TSC2: variants seen among roughly 807,000 people sequenced by gnomAD.
TSC2 encodes the protein tuberin.
In TSC2, 29 loss-of-function variants were observed where a neutral mutation model predicts 202.2. The observed-to-expected ratio is 0.14, with a 90% CI of 0.11 to 0.20. The LOEUF is 0.20. Ranked by LOEUF, TSC2 falls within the 10% of genes least tolerant of loss-of-function variation. TSC2 has a pLI of 1.00. For synonymous variants in TSC2, 1,349 were observed against 1,044.0 expected, an observed-to-expected ratio of 1.29 and a Z score of -5.63; for missense variants, 2,429 against 2,420.0, an observed-to-expected ratio of 1.00 and a Z score of -0.08.
chr16:2,055,957 T>C, intron 6 of TSC2: 1 of 588,708 alleles, frequency 1.7e-6, no homozygotes, highest in Non-Finnish European at 3.1e-6. Flanking sequence ...GATGTCTTGG[T>C]TATCTTTTTG....
intron 13 of TSC2, 36 bp downstream of exon 13, chr16:2,062,636 A>G: frequency 6.4e-7 from 1 of 1,564,214 alleles, no homozygotes; most frequent in Non-Finnish European, 8.7e-7. Context: ...TGGCACCTGG[A>G]GCCTGGCCCT....
At chr16:2,076,313 C>A in intron 24 of TSC2, 143 bp downstream of exon 24, 1 of 1,559,826 alleles carries the variant, frequency 6.4e-7, no homozygotes, top group Non-Finnish European at 8.7e-7. Context: ...GCTGGGGGCT[C>A]TGCTGGGCAG....
In TSC2 at chr16:2,088,969, T is replaced by TA; in HGVS notation, c.*359_*360insA. The stretch of plus-strand genomic sequence containing the variant: ...TTCCTCTAACCACCCTGGGGTCCTC[T>TA]GACATGCCTAGTCCTGCTACTTGCC... On this transcript the variant is annotated 3_prime_UTR_variant, in exon 42 of 42. Transcript: ENST00000219476. The TA allele has an allele frequency of 3.1e-6, 1 of 317,526 alleles. No homozygotes were observed. The highest frequency in any genetic ancestry group is 4.7e-5 in the Admixed American group (1 of 21,266). 19.7% of individuals were successfully genotyped at this position (317,526 alleles called of 1,614,324 possible).
rs763726222 is a variant in TSC2 at position 2,056,238 on chromosome 16, C to T, written c.642C>T (p.Asp214=). The change falls in exon 7 of 42, where the codon GAC becomes GAT. Residue 214 remains aspartate, a synonymous_variant. Transcript: ENST00000219476. ...GCGTCCGGACCGCGTCCTCTGTGGA[C>T]ATAGAGGTCAGTGCCTCCCCTCCCC... ...LLCVRTASSV[D]IEVSLQVLDA... 2 of 1,614,028 alleles carry T rather than the reference C, an allele frequency of 1.2e-6. No individual in the cohort carries two copies. Among genetic ancestry groups the T allele is most frequent in the South Asian group, 2.2e-5 (2 of 91,082 alleles).
At chr16:2,051,869 C>A (rs547017509) in intron 3 of TSC2, among the ~76,000 whole-genome samples, 3 of 152,138 alleles carry the variant, frequency 2.0e-5, no homozygotes, top group African/African-American at 7.2e-5. Flanking sequence ...GTTCGAGACC[C>A]GCCTGGCCAA....
chr16:2,084,099 GCCTGGTGCTCGGGCTGGTCTGTGGC>G, intron 33 of TSC2, 104 bp from the exon 34 acceptor site: 6 of 1,505,014 alleles, frequency 4.0e-6, no homozygotes, highest in Non-Finnish European at 5.4e-6. Context: ...GGGGGCCGTA[GCCTGGTGCTCGGGCTGGTCTGTGGC>G]CCTGGGATGG....
intron 8 of TSC2, 121 bp downstream of exon 8, chr16:2,056,890 G>T: frequency 2.6e-6 from 4 of 1,513,790 alleles, no homozygotes; most frequent in Non-Finnish European, 3.6e-6. Flanking sequence ...CCTGTTGAGG[G>T]ACGGCCAGTG....
At position 2,088,887 on chromosome 16, in the gene TSC2, A is replaced by G. The variant is rs895213866; in HGVS notation, c.*277A>G. On this transcript the variant is annotated 3_prime_UTR_variant, in exon 42 of 42. Transcript: ENST00000219476. Reference sequence around the variant, plus strand: ...CACTCGCGCGTGCGCGCGCGCACACACACACACACACAGTCACCTTCCTCC... The same window carrying G: ...CACTCGCGCGTGCGCGCGCGCACACGCACACACACACAGTCACCTTCCTCC... 1.6e-3 allele frequency: 611 copies of G among 387,134 alleles called. 1 individual carries two copies. Among genetic ancestry groups the G allele is most frequent in the Non-Finnish European group, 2.3e-3 (458 of 200,138 alleles). The allele number at this position is 387,134 out of a possible 1,614,324, so 24.0% of individuals were successfully genotyped here.
At position 2,083,766 on chromosome 16, in the gene TSC2, G is replaced by A. The variant is rs375883030; in HGVS notation, c.3955G>A (p.Asp1319Asn). The A allele has an allele frequency of 1.8e-5, 29 of 1,610,742 alleles. No individual in the cohort carries two copies. The highest frequency in any genetic ancestry group is 8.4e-5 in the Admixed American group (5 of 59,678). ...GCTGGTGGAGCCCCCAGGGTTGGAG[G>A]ACGTTGAGGCAGCGCTAGGCATGGA... Reference protein sequence around the residue: ...PVLVEPPGLEDVEAALGMDRR... With the variant: ...PVLVEPPGLENVEAALGMDRR... Residue 1319 changes from aspartate (D) to asparagine (N), a missense_variant, in exon 33 of 42, where the codon GAC becomes AAC. Asp to Asn is a conservative substitution (Grantham distance 23). Transcript: ENST00000219476.
chr16:2,064,522 C>T lies in TSC2; in HGVS notation c.1599+95C>T, dbSNP rs554428299. ...CCCTCTGTCCTCCTCTTCGAGTGAC[C>T]GGATGGCTGTGTCCGTAGGTGAGGC... On this transcript the variant is annotated intron_variant, in intron 15 of 41. Coordinates refer to ENST00000219476, the MANE Select transcript of TSC2 (RefSeq NM_000548.5). 51 of 1,582,010 alleles carry T rather than the reference C, an allele frequency of 3.2e-5. 1 individual carries two copies. The highest frequency in any genetic ancestry group is 1.2e-4 in the South Asian group (11 of 88,848).
rs1596288175 is a variant in TSC2, at chr16:2,058,737, A to G, written c.849-10A>G. 6.3e-7 allele frequency: 1 copy of G among 1,575,338 alleles called. No homozygotes were observed. Among genetic ancestry groups the G allele is most frequent in the Non-Finnish European group, 8.6e-7 (1 of 1,160,404 alleles). ...TGCTCACATTCCGTCTCTCTGGGGAACACTTTTAGAGCCTACATGGAGGAC... is the reference window on the plus strand; with the variant it reads ...TGCTCACATTCCGTCTCTCTGGGGAGCACTTTTAGAGCCTACATGGAGGAC... On this transcript the variant is annotated splice_polypyrimidine_tract_variant and intron_variant, in intron 9 of 41. Coordinates refer to ENST00000219476, the MANE Select transcript of TSC2 (RefSeq NM_000548.5).
chr16:2,084,273 G>A lies in TSC2; in HGVS notation c.4051G>A (p.Glu1351Lys), dbSNP rs878854101. 5 of 1,610,516 alleles carry A rather than the reference G, an allele frequency of 3.1e-6. No individual in the cohort carries two copies. Among genetic ancestry groups the A allele is most frequent in the Non-Finnish European group, 4.2e-6 (5 of 1,178,956 alleles). The change falls in exon 34 of 42, where the codon GAG becomes AAG. Residue 1351 changes from glutamate to lysine, a missense_variant. Transcript: ENST00000219476. ...GGAGGAGAAGTCGCTCCACGCGGAG[G>A]AGCTGGTTGGCAGGGGCATCCCCAT... ...SQEEKSLHAEELVGRGIPIER... is the reference protein window; with the variant it reads ...SQEEKSLHAEKLVGRGIPIER...
intron 19 of TSC2, 81 bp downstream of exon 19, chr16:2,072,015 C>T: frequency 6.7e-7 from 1 of 1,499,266 alleles, no homozygotes; most frequent in Non-Finnish European, 8.9e-7. Context: ...CTGGGCCTCC[C>T]TCCCTGTCTG....
At chr16:2,067,665 G>A (rs2087585549) in intron 16 of TSC2, among the ~76,000 whole-genome samples, 1 of 152,202 alleles carries the variant, frequency 6.6e-6, no homozygotes, top group Non-Finnish European at 1.5e-5. Context: ...AGCTACTCGG[G>A]AGGCTGAGGC....
chr16:2,088,066 A>G lies in TSC2; in HGVS notation c.5087A>G (p.Asp1696Gly), dbSNP rs2151620398. The G allele has an allele frequency of 1.2e-6, 2 of 1,612,858 alleles. No individual in the cohort carries two copies. ...TCCCCAGACATGGAGGGCCTTGTGG[A>G]CACCAGCGTGGCCAAGATCGTGTCT... ...QCRKDMEGLV[D>G]TSVAKIVSDR... The change falls in exon 40 of 42, where the codon GAC (aspartate) becomes GGC (glycine). Residue 1696 changes from aspartate to glycine, a missense_variant. By Grantham distance (94) the Asp-to-Gly change is moderately conservative. Coordinates refer to ENST00000219476, the MANE Select transcript of TSC2 (RefSeq NM_000548.5).
At chr16:2,055,955 G>C (rs181789565) in intron 6 of TSC2, 1 of 613,632 alleles carries the variant, frequency 1.6e-6, no homozygotes, top group East Asian at 2.8e-5. Context: ...CTGATGTCTT[G>C]GTTATCTTTT....
chr16:2,048,719 A>G lies in TSC2; in HGVS notation c.104A>G (p.Gln35Arg). The stretch of plus-strand genomic sequence containing the variant: ...AATCCCAGGTCTGCAGAGGGTAAAC[A>G]GACGGAGTTTATCATCACCGCGGAA... ...RPNPRSAEGK[Q>R]TEFIITAEIL... is the part of the protein sequence containing the mutation. The change falls in exon 2 of 42, where the codon CAG becomes CGG. Residue 35 changes from glutamine (Q) to arginine (R), a missense_variant. By Grantham distance (43) the Gln-to-Arg change is conservative (BLOSUM62 1). Coordinates refer to ENST00000219476, the MANE Select transcript of TSC2 (RefSeq NM_000548.5). 6.2e-7 allele frequency: 1 copy of G among 1,614,112 alleles called. No homozygotes were observed. Among genetic ancestry groups the G allele is most frequent in the Non-Finnish European group, 8.5e-7 (1 of 1,180,030 alleles).
In TSC2 at chr16:2,071,261, C is replaced by G. The variant is rs866937157; in HGVS notation, c.1840-249C>G. ...CCATCCCTTCCATCCCAGGCGGGCC[C>G]AGCTGTGGTGGTGGGGACACCAGGC... On this transcript the variant is annotated intron_variant, in intron 17 of 41. Coordinates refer to ENST00000219476, the MANE Select transcript of TSC2 (RefSeq NM_000548.5). 2.2e-5 allele frequency: 13 copies of G among 579,920 alleles called. 1 individual carries two copies. Among genetic ancestry groups the G allele is most frequent in the Middle Eastern group, 4.5e-4 (1 of 2,206 alleles). 35.9% of individuals were successfully genotyped at this position (579,920 alleles called of 1,614,324 possible).
In TSC2 at chr16:2,056,690, C is replaced by T. The variant is rs760100924; in HGVS notation, c.695C>T (p.Pro232Leu). 2.9e-5 allele frequency: 46 copies of T among 1,612,508 alleles called. No individual in the cohort carries two copies. Among genetic ancestry groups the T allele is most frequent in the East Asian group, 4.5e-5 (2 of 44,880 alleles). The change falls in exon 8 of 42, where the codon CCG (proline) becomes CTG (leucine). Residue 232 changes from proline (P) to leucine (L), a missense_variant. Coordinates refer to ENST00000219476, the MANE Select transcript of TSC2 (RefSeq NM_000548.5). ...GCCGTGGTCTGCTACAACTGCCTGCCGGCTGAGAGCCTCCCGCTGTTCATC... is the reference window on the plus strand; with the variant it reads ...GCCGTGGTCTGCTACAACTGCCTGCTGGCTGAGAGCCTCCCGCTGTTCATC... ...LDAVVCYNCL[P>L]AESLPLFIVT...
Sources: allele counts gnomAD v4.1 joint callset (sites outside exome capture counted in the v4.1 genomes callset), GRCh38; gene constraint gnomAD v4.1.1; transcripts MANE v1.5; gene names NCBI Gene and HGNC (gene_info 2026-07-23, HGNC 2026-07-21).